TBC1D1: variants seen among roughly 807,000 people sequenced by gnomAD.
The protein encoded by TBC1D1 is TBC1 domain family member 1, also known as TBC1 (tre-2/USP6, BUB2, cdc16) domain family, member 1.
In TBC1D1, 89 loss-of-function variants were observed where a neutral mutation model predicts 125.6. The ratio of observed to expected loss-of-function variants is 0.71; its 90% CI spans 0.60 to 0.85. TBC1D1 has a LOEUF of 0.85. TBC1D1 is among the 40% of genes least tolerant of loss of function. The pLI is 0.00. For synonymous variants in TBC1D1, 565 were observed against 564.1 expected (o/e 1.00, Z -0.02); for missense variants, 1,377 against 1,469.2 (o/e 0.94, Z 1.03).
chr4:38,007,311 G>A (rs1740505583), intron 2 of TBC1D1, among the ~76,000 whole-genome samples: 1 of 151,986 alleles, frequency 6.6e-6, no homozygotes, highest in Non-Finnish European at 1.5e-5. Context: ...GGAGTGCGGT[G>A]GTGAGATCTC....
At chr4:37,901,308 C>A (rs139114080) in intron 1 of TBC1D1, among the ~76,000 whole-genome samples, 3,873 of 151,976 alleles carry the variant, frequency 0.025, 184 homozygotes, top group African/African-American at 0.089. Flanking sequence ...AGACACCTAC[C>A]ACCACACCAG....
chr4:37,921,485 C>A (rs1250164652), intron 2 of TBC1D1, among the ~76,000 whole-genome samples: 1 of 151,560 alleles, frequency 6.6e-6, no homozygotes, highest in Non-Finnish European at 1.5e-5. Context: ...CGGCTCACTG[C>A]AACCTCCACC....
At chr4:37,941,297 T>C (rs1248363474) in intron 2 of TBC1D1, among the ~76,000 whole-genome samples, 3 of 152,250 alleles carry the variant, frequency 2.0e-5, no homozygotes, top group African/African-American at 7.2e-5. Context: ...CTAGATTTTC[T>C]AGCTTATTTG....
chr4:37,941,708 A>G (rs551276408), intron 2 of TBC1D1, among the ~76,000 whole-genome samples: 22 of 152,268 alleles, frequency 1.4e-4, no homozygotes, highest in African/African-American at 5.3e-4. Flanking sequence ...TGTCCCAGAG[A>G]TTCTGGTATG....
rs571632423 is a variant in TBC1D1, at chr4:38,004,241, C to G, written c.418-10268C>G. ...CATCTCTACTCTTTTAAAGGTTATT[C>G]TGTTTTAGTTACTGCTCCAGATCCC... On this transcript the variant is annotated intron_variant, in intron 2 of 19. Transcript: ENST00000261439. Among the ~76,000 whole-genome samples the G allele has an allele frequency of 3.9e-5, 6 of 152,290 alleles. No individual in the cohort carries two copies. The South Asian group carries it at 1.2e-3, about 32-fold the overall frequency.
rs1346945433 is a variant in TBC1D1, at chr4:38,051,898, G to A, written c.1910+2000G>A. On this transcript the variant is annotated intron_variant, in intron 11 of 19. Transcript: ENST00000261439. ...CCGTGCTTTCTCTGATTGCTGTTTA[G>A]TGTGGATCCTTCACCTGTGGGTGAG... is the stretch of plus-strand genomic sequence containing the variant. The A allele has an allele frequency of 1.3e-6, 2 of 1,549,998 alleles. No individual in the cohort carries two copies. Among genetic ancestry groups the A allele is most frequent in the South Asian group, 1.2e-5 (1 of 84,040 alleles).
At chr4:37,983,919 A>G (rs562437366) in intron 2 of TBC1D1, among the ~76,000 whole-genome samples, 2 of 152,296 alleles carry the variant, frequency 1.3e-5, no homozygotes, top group Admixed American at 6.5e-5. Context: ...CTCCCTTCCT[A>G]TAAGCCTTTG....
chr4:38,135,754 C>T (rs953917716), intron 19 of TBC1D1, among the ~76,000 whole-genome samples: 2 of 152,122 alleles, frequency 1.3e-5, no homozygotes, highest in Non-Finnish European at 2.9e-5. Context: ...GTTCTAGTGG[C>T]CCAGCCAGAG....
At position 37,995,295 on chromosome 4, in the gene TBC1D1, C is replaced by T. The variant is rs548115940; in HGVS notation, c.418-19214C>T. Among the ~76,000 whole-genome samples the T allele has an allele frequency of 1.2e-4, 19 of 152,310 alleles. No homozygotes were observed. Among genetic ancestry groups the T allele is most frequent in the African/African-American group, 3.4e-4 (14 of 41,572 alleles). ...GCTACGAATTCAGACTTGGAAACTT[C>T]GTTGTCTGTGCAACTTCATACTGTT... On this transcript the variant is annotated intron_variant, in intron 2 of 19. Coordinates refer to ENST00000261439, the MANE Select transcript of TBC1D1 (RefSeq NM_015173.4). This position sits in a 1 kb window ranked among gnomAD's most constrained non-coding sequence, Gnocchi z 4.3.
chr4:38,012,538 G>T (rs1741734709), intron 2 of TBC1D1, among the ~76,000 whole-genome samples: 1 of 152,140 alleles, frequency 6.6e-6, no homozygotes, highest in Non-Finnish European at 1.5e-5. Flanking sequence ...GCCTCCCAAA[G>T]TGCTGGGATT....
chr4:37,895,017 G>T (rs776666945), intron 1 of TBC1D1, among the ~76,000 whole-genome samples: 12 of 152,188 alleles, frequency 7.9e-5, no homozygotes, highest in Non-Finnish European at 1.6e-4. Flanking sequence ...AATGTAAAAT[G>T]TCCATGAAGT....
chr4:38,019,994 A>C (rs1276106062), intron 4 of TBC1D1, among the ~76,000 whole-genome samples: 3 of 152,128 alleles, frequency 2.0e-5, no homozygotes, highest in Non-Finnish European at 4.4e-5. Context: ...TTTATTCTTT[A>C]ATACCTATGT....
chr4:37,983,665 CAG>C (rs1374748359), intron 2 of TBC1D1, among the ~76,000 whole-genome samples: 1 of 152,128 alleles, frequency 6.6e-6, no homozygotes, highest in Non-Finnish European at 1.5e-5. Flanking sequence ...AACAGAAGAA[CAG>C]GGGACACATG....
chr4:38,087,912 G>T (rs111982750), intron 12 of TBC1D1, among the ~76,000 whole-genome samples: 14 of 149,750 alleles, frequency 9.3e-5, no homozygotes, highest in African/African-American at 3.5e-4. Flanking sequence ...ACCCTCAGCG[G>T]GGCTCCCTTC....
intron 12 of TBC1D1, among the ~76,000 whole-genome samples, chr4:38,057,885 C>A (rs571769054): frequency 6.6e-5 from 10 of 152,296 alleles, no homozygotes; most frequent in African/African-American, 2.2e-4. Context: ...AAAGCTCATT[C>A]TCTGAACTGT....
At chr4:38,087,610 G>A (rs546130783) in intron 12 of TBC1D1, among the ~76,000 whole-genome samples, 1 of 152,172 alleles carries the variant, frequency 6.6e-6, no homozygotes, top group Non-Finnish European at 1.5e-5. Flanking sequence ...GGGAGGCCGA[G>A]GTGGGCAGAT....
intron 8 of TBC1D1, 87 bp from the exon 9 acceptor site, chr4:38,044,275 C>A (rs1560679440): frequency 7.0e-7 from 1 of 1,426,456 alleles, no homozygotes; most frequent in Non-Finnish European, 9.4e-7. Context: ...TGGCCTGGTG[C>A]CAAAAAGATG....
chr4:38,066,725 G>A (rs1005253147), intron 12 of TBC1D1, among the ~76,000 whole-genome samples: 7 of 152,226 alleles, frequency 4.6e-5, no homozygotes, highest in Admixed American at 1.3e-4. Context: ...TGGGGTTACA[G>A]TGATGGCACA....
intron 8 of TBC1D1, among the ~76,000 whole-genome samples, chr4:38,037,502 A>T (rs1747450388): frequency 6.6e-6 from 1 of 152,098 alleles, no homozygotes; most frequent in Non-Finnish European, 1.5e-5. Context: ...TCAGAGCAGC[A>T]GCTGCTTTAT....
Sources: allele counts gnomAD v4.1 joint callset (sites outside exome capture counted in the v4.1 genomes callset), GRCh38; gene constraint gnomAD v4.1.1; non-coding constraint Gnocchi (gnomAD v3.1); transcripts MANE v1.5; gene names NCBI Gene and HGNC (gene_info 2026-07-23, HGNC 2026-07-21).